PCDH19: variants seen among roughly 807,000 people sequenced by gnomAD.
PCDH19 encodes protocadherin-19.
In PCDH19, 6 loss-of-function variants were observed where a neutral mutation model predicts 46.2. The ratio of observed to expected loss-of-function variants is 0.13; its 90% CI spans 0.07 to 0.26. The LOEUF (loss-of-function observed/expected upper bound fraction) is 0.26. Among genes scored for constraint, PCDH19 ranks in the 10% least tolerant of loss-of-function variants. The probability of loss-of-function intolerance (pLI) is 1.00; values close to 1 mark genes in which losing one functional copy is unlikely to be tolerated. For synonymous variants in PCDH19, 481 were observed against 415.7 expected (o/e 1.16, Z -1.91); for missense variants, 740 against 972.3 (o/e 0.76, Z 3.18).
At position 100,407,841 on chromosome X, in the gene PCDH19, G is replaced by C. The variant is rs1387651725; in HGVS notation, c.757C>G (p.Pro253Ala). Residue 253 changes from proline (P) to alanine (A), a missense_variant, in exon 1 of 6, where the codon CCC becomes GCC. Physicochemically the swap from Pro to Ala is conservative, Grantham distance 27 (BLOSUM62 -1). Around this residue, in one of 5 missense-constraint regions of PCDH19, gnomAD observed 186 missense variants for 319.9 expected, o/e 0.58. Coordinates refer to ENST00000373034, the MANE Select transcript of PCDH19 (RefSeq NM_001184880.2). ...YAVSVPENSP[P>A]NTPVIRLNAS... The stretch of plus-strand genomic sequence containing the variant: ...TTGAGGCGGATGACGGGTGTGTTGG[G>C]AGGCGAGTTTTCTGGCACGCTCACC... The C allele has an allele frequency of 1.7e-6, 2 of 1,211,107 alleles. No individual in the cohort carries two copies. The highest frequency in any genetic ancestry group is 2.2e-6 in the Non-Finnish European group (2 of 895,443).
intron 5 of PCDH19, among the ~76,000 whole-genome samples, chrX:100,330,106 A>T (rs1054268868): frequency 4.5e-5 from 5 of 111,827 alleles, no homozygotes; most frequent in Admixed American, 9.5e-5. Context: ...GCTGATTTTT[A>T]AATTAAATTA....
intron 3 of PCDH19, among the ~76,000 whole-genome samples, chrX:100,385,771 GTACTCCCAGA>G (rs1486571606): frequency 6.3e-5 from 7 of 110,977 alleles, no homozygotes; most frequent in African/African-American, 2.3e-4. Flanking sequence ...GCAGGCACCT[GTACTCCCAGA>G]TACTTGGGAG....
intron 5 of PCDH19, among the ~76,000 whole-genome samples, chrX:100,300,297 G>A (rs1228207075): frequency 8.9e-6 from 1 of 112,183 alleles, no homozygotes; most frequent in Admixed American, 9.4e-5. Context: ...GACTACTTCT[G>A]TAATTGTATA....
chrX:100,340,726 A>AT (rs1926230024), intron 5 of PCDH19, among the ~76,000 whole-genome samples: 1 of 112,241 alleles, frequency 8.9e-6, no homozygotes, highest in South Asian at 3.7e-4. Context: ...ACAATTTAAT[A>AT]GAATCTACAG....
rs1569314929 is a variant in PCDH19, at chrX:100,407,359, G to A, written c.1239C>T (p.Arg413=). Residue 413 remains arginine, a synonymous_variant, in exon 1 of 6, where the codon CGC becomes CGT. Transcript: ENST00000373034. ...STILVDGRLD[R]EQHDQYNLTI... is the part of the protein sequence containing the mutation. ...TGAGGTTGTATTGGTCGTGCTGCTC[G>A]CGGTCCAGCCGTCCGTCCACCAGAA... is the stretch of plus-strand genomic sequence containing the variant. The A allele has an allele frequency of 8.2e-7, 1 of 1,212,286 alleles. No individual in the cohort carries two copies. Among genetic ancestry groups the A allele is most frequent in the Non-Finnish European group, 1.1e-6 (1 of 895,620 alleles).
At chrX:100,333,167 AAG>A (rs537612425) in intron 5 of PCDH19, among the ~76,000 whole-genome samples, 2,739 of 34,034 alleles carry the variant, frequency 0.08, 193 homozygotes, top group South Asian at 0.19. Flanking sequence ...GGAAGGAAGG[AAG>A]GAAGGGAGAG....
intron 5 of PCDH19, among the ~76,000 whole-genome samples, chrX:100,314,488 T>G (rs1178827199): frequency 8.9e-6 from 1 of 112,348 alleles, no homozygotes; most frequent in Non-Finnish European, 1.9e-5. Context: ...TACTTGGATC[T>G]GTGAGGAAGC....
rs1312646628 is a variant in PCDH19, at chrX:100,387,232, C to A, written c.2616+15292G>T. ...TGTTGGCTTTTGTATTTATGCTGTC[C>A]AAAACTAGGTTACTAGATGAGGAAG... is the stretch of plus-strand genomic sequence containing the variant. On this transcript the variant is annotated intron_variant, in intron 3 of 5. Coordinates refer to ENST00000373034, the MANE Select transcript of PCDH19 (RefSeq NM_001184880.2). 3.6e-5 allele frequency among the ~76,000 whole-genome samples: 4 copies of A among 111,254 alleles called. No homozygotes were observed. In the East Asian group the frequency reaches 1.1e-3, roughly 31 times the overall value.
intron 5 of PCDH19, among the ~76,000 whole-genome samples, chrX:100,299,401 G>T (rs1471346487): frequency 9.0e-6 from 1 of 111,297 alleles, no homozygotes; most frequent in Non-Finnish European, 1.9e-5. Context: ...CTCTAATTTT[G>T]AGATTTAGTT....
intron 4 of PCDH19, among the ~76,000 whole-genome samples, chrX:100,347,925 G>A (rs1036463382): frequency 4.6e-5 from 5 of 107,960 alleles, no homozygotes; most frequent in Non-Finnish European, 9.6e-5. Flanking sequence ...AATTAGCCAG[G>A]CACGGTGGCG....
intron 4 of PCDH19, among the ~76,000 whole-genome samples, chrX:100,344,709 G>A (rs1926346402): frequency 1.0e-5 from 1 of 98,152 alleles, no homozygotes; most frequent in African/African-American, 3.8e-5. Context: ...GATCTAGTAT[G>A]GGGGCAATGT....
At position 100,407,471 on chromosome X, in the gene PCDH19, C is replaced by A. The variant is rs1928407413; in HGVS notation, c.1127G>T (p.Arg376Leu). ...YVIALVRVSD[R>L]DSGLNGRVQC... ...CACACGTCCATTGAGGCCTGAGTCGCGATCAGACACCCGCACCAAGGCGAT... is the reference window on the plus strand; with the variant it reads ...CACACGTCCATTGAGGCCTGAGTCGAGATCAGACACCCGCACCAAGGCGAT... Residue 376 changes from arginine to leucine, a missense_variant, in exon 1 of 6, where the codon CGC (arginine) becomes CTC (leucine). Coordinates refer to ENST00000373034, the MANE Select transcript of PCDH19 (RefSeq NM_001184880.2). 8.3e-7 allele frequency: 1 copy of A among 1,210,573 alleles called. No homozygotes were observed. The highest frequency in any genetic ancestry group is 2.2e-5 in the Admixed American group (1 of 46,028).
At position 100,410,194 on chromosome X, in the gene PCDH19, G is replaced by A. The variant is rs1928559038; in HGVS notation, c.-1597C>T. ...GTGCACGGGAGCTGTGCTGCCGTCT[G>A]TGCCCGCTCGTCCGTCTCCGCGCTG... On this transcript the variant is annotated 5_prime_UTR_variant, in exon 1 of 6. Coordinates refer to ENST00000373034, the MANE Select transcript of PCDH19 (RefSeq NM_001184880.2). The A allele has an allele frequency of 2.0e-5, 6 of 295,714 alleles. No individual in the cohort carries two copies. Among genetic ancestry groups the A allele is most frequent in the Non-Finnish European group, 3.5e-5 (6 of 170,044 alleles). The allele number at this position is 295,714 out of a possible 1,213,427, so 24.4% of individuals were successfully genotyped here. A position where few individuals can be genotyped will look rare whatever the true frequency, so the allele number is the denominator to read the frequency against.
intron 3 of PCDH19, among the ~76,000 whole-genome samples, chrX:100,358,443 T>G (rs774063155): frequency 8.9e-6 from 1 of 112,315 alleles, no homozygotes; most frequent in African/African-American, 3.2e-5. Context: ...ACTGGCACCA[T>G]TGATGTGGTC....
chrX:100,348,647 A>G (rs1044629676), intron 4 of PCDH19, among the ~76,000 whole-genome samples: 13 of 111,912 alleles, frequency 1.2e-4, no homozygotes, highest in African/African-American at 3.9e-4. Flanking sequence ...AGAGCCCATT[A>G]AGTCTAGGTT....
chrX:100,350,198 T>C (rs2147492261), intron 4 of PCDH19, among the ~76,000 whole-genome samples: 1 of 112,266 alleles, frequency 8.9e-6, no homozygotes, highest in African/African-American at 3.2e-5. Context: ...CTTTCCTTTA[T>C]TTAAAGTGAA....
Position 100,409,500 on chromosome X carries a change from C to A in PCDH19, c.-903G>T, listed in dbSNP as rs1055912753. On this transcript the variant is annotated 5_prime_UTR_variant, in exon 1 of 6. Transcript: ENST00000373034. ...GGAAATCAAAGTTAACAACGCAGTC[C>A]GACCCTCCACGTCAAGTTTGTGGAA... 8.2e-6 allele frequency: 1 copy of A among 121,711 alleles called. No individual in the cohort carries two copies. Among genetic ancestry groups the A allele is most frequent in the Non-Finnish European group, 1.7e-5 (1 of 60,274 alleles). The allele number at this position is 121,711 out of a possible 1,213,427, so 10.0% of individuals were successfully genotyped here.
chrX:100,359,676 C>T (rs746904324), intron 3 of PCDH19, among the ~76,000 whole-genome samples: 4 of 111,448 alleles, frequency 3.6e-5, no homozygotes, highest in Non-Finnish European at 7.5e-5. Flanking sequence ...TCGCTTAAGG[C>T]CAGGAGTTCA....
At chrX:100,300,611 G>A (rs1924745218) in intron 5 of PCDH19, among the ~76,000 whole-genome samples, 1 of 111,635 alleles carries the variant, frequency 9.0e-6, no homozygotes, top group African/African-American at 3.3e-5. Flanking sequence ...AATGAAGGCA[G>A]GTGTCTTTAA....
Sources: gnomAD v4.1 joint callset for allele counts (sites outside exome capture counted in the v4.1 genomes callset) on GRCh38, gnomAD v4.1.1 for gene constraint, gnomAD v4.1.1 regional missense constraint, MANE v1.5 for transcripts, NCBI Gene and HGNC (gene_info 2026-07-23, HGNC 2026-07-21) for gene names.